The following NTM variants were observed in gnomAD, a reference collection of about 807,000 sequenced individuals.
The protein encoded by NTM is neurotrimin.
A neutral mutation model predicts 42.1 loss-of-function variants in NTM; 13 were observed. That is an observed-to-expected ratio of 0.31 (90% CI 0.20 to 0.49). NTM has a LOEUF of 0.49. Ranked by LOEUF, NTM falls within the 20% of genes least tolerant of loss-of-function variation. NTM has a pLI of 0.99. For missense variants in NTM, 373 were observed against 452.8 expected, an observed-to-expected ratio of 0.82 and a Z score of 1.60; for synonymous variants, 187 against 179.2, an observed-to-expected ratio of 1.04 and a Z score of -0.35.
intron 1 of NTM, among the ~76,000 whole-genome samples, chr11:131,806,053 G>A (rs2092463940): frequency 6.6e-6 from 1 of 152,088 alleles, no homozygotes; most frequent in Non-Finnish European, 1.5e-5. Flanking sequence ...CAGAAATTTT[G>A]TTTCTTTTCT....
intron 3 of NTM, among the ~76,000 whole-genome samples, chr11:132,189,636 G>A (rs902721435): frequency 3.1e-5 from 4 of 128,458 alleles, no homozygotes; most frequent in African/African-American, 1.3e-4. Flanking sequence ...CTGATTCACG[G>A]CAGATACACA....
intron 2 of NTM, among the ~76,000 whole-genome samples, chr11:132,102,575 A>ATCTT (rs1353850536): frequency 6.6e-6 from 1 of 152,192 alleles, no homozygotes; most frequent in Non-Finnish European, 1.5e-5. Context: ...GTAGCAAGGT[A>ATCTT]TCTTTCTGAC....
intron 1 of NTM, among the ~76,000 whole-genome samples, chr11:131,611,056 A>G (rs2061424678): frequency 6.6e-6 from 1 of 152,144 alleles, no homozygotes; most frequent in Admixed American, 6.5e-5. Context: ...GGTGTTTATA[A>G]GAATGGGAAA....
intron 1 of NTM, among the ~76,000 whole-genome samples, chr11:131,822,154 G>C (rs189047758): frequency 1.3e-5 from 2 of 152,248 alleles, no homozygotes; most frequent in East Asian, 1.9e-4. Context: ...AGCAGTTCTT[G>C]TTTTCTCATG....
intron 1 of NTM, among the ~76,000 whole-genome samples, chr11:131,402,232 G>A (rs1462268951): frequency 6.6e-6 from 1 of 151,994 alleles, no homozygotes; most frequent in Non-Finnish European, 1.5e-5. Flanking sequence ...CCACCATGAT[G>A]AAATGTTGGA....
chr11:132,143,627 T>C (rs2069666471), intron 2 of NTM, among the ~76,000 whole-genome samples: 2 of 152,130 alleles, frequency 1.3e-5, no homozygotes. Context: ...ATGTAGTCAA[T>C]TAACATTGAC....
At chr11:131,684,998 G>A (rs961763844) in intron 1 of NTM, among the ~76,000 whole-genome samples, 2 of 152,364 alleles carry the variant, frequency 1.3e-5, no homozygotes, top group African/African-American at 4.8e-5. Context: ...GACCCACTCC[G>A]AGCTGCTCAG....
intron 1 of NTM, among the ~76,000 whole-genome samples, chr11:131,851,966 G>A (rs1327395536): frequency 6.6e-6 from 1 of 152,176 alleles, no homozygotes. Context: ...CAATTTGCCT[G>A]CCTGGAACCC....
chr11:131,824,923 C>G (rs1254675336), intron 1 of NTM, among the ~76,000 whole-genome samples: 2 of 152,170 alleles, frequency 1.3e-5, no homozygotes, highest in Non-Finnish European at 2.9e-5. Context: ...GCTGACAGAG[C>G]AGAAGGAACA....
At chr11:131,701,074 T>C (rs1288684393) in intron 1 of NTM, among the ~76,000 whole-genome samples, 1 of 152,204 alleles carries the variant, frequency 6.6e-6, no homozygotes, top group Non-Finnish European at 1.5e-5. Flanking sequence ...TAATAAAATA[T>C]TTCTTTGTCT....
At chr11:132,202,411 G>C (rs1220704455) in intron 3 of NTM, among the ~76,000 whole-genome samples, 1 of 152,136 alleles carries the variant, frequency 6.6e-6, no homozygotes, top group Non-Finnish European at 1.5e-5. Flanking sequence ...TGGTGGTGAA[G>C]GGCAATAAAG....
At chr11:131,430,184 G>A (rs142500071) in intron 1 of NTM, among the ~76,000 whole-genome samples, 3 of 152,308 alleles carry the variant, frequency 2.0e-5, no homozygotes, top group African/African-American at 7.2e-5. Context: ...AATGAACGCT[G>A]TAATAATTGC....
At chr11:131,648,954 G>A (rs1032769033) in intron 1 of NTM, among the ~76,000 whole-genome samples, 4 of 152,190 alleles carry the variant, frequency 2.6e-5, no homozygotes, top group African/African-American at 4.8e-5. Context: ...GAATTCAAAG[G>A]TAAAGTAAGG....
chr11:131,815,489 A>G (rs1367502019), intron 1 of NTM, among the ~76,000 whole-genome samples: 3 of 152,128 alleles, frequency 2.0e-5, no homozygotes, highest in Non-Finnish European at 4.4e-5. Context: ...CACAGTAGAC[A>G]CTCAGTATGG....
At chr11:131,970,995 G>A (rs942464324) in intron 2 of NTM, among the ~76,000 whole-genome samples, 3 of 152,190 alleles carry the variant, frequency 2.0e-5, no homozygotes, top group African/African-American at 4.8e-5. Flanking sequence ...TATCAGGGCT[G>A]TCTTTCCAAT....
chr11:131,788,321 C>A (rs1033431503), intron 1 of NTM, among the ~76,000 whole-genome samples: 1 of 151,988 alleles, frequency 6.6e-6, no homozygotes, highest in Non-Finnish European at 1.5e-5. Flanking sequence ...TTTGTCAGAT[C>A]CTTCCTGCCT....
At chr11:132,273,421 G>A (rs965036892) in intron 4 of NTM, among the ~76,000 whole-genome samples, 1 of 148,296 alleles carries the variant, frequency 6.7e-6, no homozygotes, top group Non-Finnish European at 1.5e-5. Flanking sequence ...TTGGAATTAG[G>A]GTAATACTAG....
rs1952318640 is a variant in NTM, at chr11:131,470,349, CTG to C, written c.82+99463_82+99464del. Among the ~76,000 whole-genome samples, 3 of 152,220 alleles carry C rather than the reference CTG, an allele frequency of 2.0e-5. No homozygotes were observed. In the South Asian group the frequency reaches 6.2e-4, roughly 32 times the overall value. ...CCCTAGAAAAGAAGCTTTTGTCTAACTGTATTAGCCATTTTTCACTCCAAAAT... is the reference window on the plus strand; with the variant it reads ...CCCTAGAAAAGAAGCTTTTGTCTAACTATTAGCCATTTTTCACTCCAAAAT... On this transcript the variant is annotated intron_variant, in intron 1 of 8. Coordinates refer to ENST00000683400, the MANE Select transcript of NTM (RefSeq NM_001352005.2).
chr11:132,328,261 G>C (rs2095725827), intron 7 of NTM, among the ~76,000 whole-genome samples: 1 of 152,186 alleles, frequency 6.6e-6, no homozygotes, highest in Non-Finnish European at 1.5e-5. Flanking sequence ...TGGCGGGCTA[G>C]AAGTGGGATC....
Sources: allele counts gnomAD v4.1 joint callset (sites outside exome capture counted in the v4.1 genomes callset), GRCh38; gene constraint gnomAD v4.1.1; transcripts MANE v1.5; gene names NCBI Gene and HGNC (gene_info 2026-07-23, HGNC 2026-07-21).